Variants in CTNNA3 observed in about 807,000 individuals in gnomAD.
The protein encoded by CTNNA3 is catenin alpha-3.
CTNNA3 carries 76 observed loss-of-function variants against 95.7 expected under a neutral mutation model. That is an observed-to-expected ratio of 0.79 (90% CI 0.66 to 0.96). The LOEUF (loss-of-function observed/expected upper bound fraction) is 0.96. Ranked by LOEUF, CTNNA3 falls within the 40% of genes least tolerant of loss-of-function variation. The pLI, the probability that CTNNA3 is intolerant of heterozygous loss-of-function variation, is 0.00. For missense variants in CTNNA3, 1,191 were observed against 1,089.8 expected (o/e 1.09, Z -1.31); for synonymous variants, 431 against 374.4 (o/e 1.15, Z -1.74).
At chr10:66,901,596 G>A (rs1450879367) in intron 7 of CTNNA3, among the ~76,000 whole-genome samples, 3 of 152,172 alleles carry the variant, frequency 2.0e-5, no homozygotes, top group African/African-American at 4.8e-5. Context: ...TGGATAAAGA[G>A]TCAAGACCCA....
chr10:67,126,552 CTG>C (rs2132007470), intron 7 of CTNNA3, among the ~76,000 whole-genome samples: 1 of 152,300 alleles, frequency 6.6e-6, no homozygotes, highest in Non-Finnish European at 1.5e-5. Context: ...GAGCAAGACT[CTG>C]TCTCAAGAAA....
chr10:67,188,753 C>T (rs1411484124), intron 6 of CTNNA3, among the ~76,000 whole-genome samples: 1 of 152,070 alleles, frequency 6.6e-6, no homozygotes, highest in African/African-American at 2.4e-5. Flanking sequence ...AAATGTCTAC[C>T]AATGGCCAAA....
intron 7 of CTNNA3, among the ~76,000 whole-genome samples, chr10:66,945,252 T>C (rs1435707374): frequency 6.6e-6 from 1 of 152,230 alleles, no homozygotes; most frequent in Non-Finnish European, 1.5e-5. Flanking sequence ...TCAATTATCT[T>C]AGCTAGATCT....
At position 67,398,675 on chromosome 10, in the gene CTNNA3, T is replaced by C. The variant is rs570756218; in HGVS notation, c.579+123167A>G. 1.9e-4 allele frequency among the ~76,000 whole-genome samples: 29 copies of C among 152,208 alleles called. 1 individual carries two copies. In the South Asian group the frequency reaches 5.6e-3, roughly 29 times the overall value. On this transcript the variant is annotated intron_variant, in intron 5 of 17. Coordinates refer to ENST00000433211, the MANE Select transcript of CTNNA3 (RefSeq NM_013266.4). ...TGGCTGTGTCCCTACCCAAATCTTA[T>C]CTTGAATTTAGTTCCCATAATCCCC...
intron 15 of CTNNA3, among the ~76,000 whole-genome samples, chr10:66,068,138 A>G (rs2080352329): frequency 1.3e-5 from 2 of 152,112 alleles, no homozygotes; most frequent in African/African-American, 4.8e-5. Context: ...ATAGATTTAA[A>G]ATACATCTTA....
chr10:66,230,896 T>C (rs191258022), intron 13 of CTNNA3, among the ~76,000 whole-genome samples: 1 of 152,250 alleles, frequency 6.6e-6, no homozygotes, highest in East Asian at 1.9e-4. Context: ...ACTATGTTCA[T>C]CTTTTGTCAT....
chr10:66,939,999 A>C (rs953735675), intron 7 of CTNNA3, among the ~76,000 whole-genome samples: 3 of 150,590 alleles, frequency 2.0e-5, no homozygotes, highest in Admixed American at 2.0e-4. Flanking sequence ...TGGTTACTTA[A>C]TTTTTTTTTT....
At position 67,569,194 on chromosome 10, in the gene CTNNA3, A is replaced by G. The variant is rs569538983; in HGVS notation, c.293-29525T>C. Among the ~76,000 whole-genome samples the G allele has an allele frequency of 2.0e-5, 3 of 152,252 alleles. No individual in the cohort carries two copies. The East Asian group carries it at 5.8e-4, about 29-fold the overall frequency. ...GTATTCCATAATGTTCTCTTGAAAA[A>G]TCTTCAGCAGACTTTTCTTTTAGTG... On this transcript the variant is annotated intron_variant, in intron 3 of 17. Coordinates refer to ENST00000433211, the MANE Select transcript of CTNNA3 (RefSeq NM_013266.4).
chr10:66,201,243 T>TAA (rs1258508767), intron 13 of CTNNA3, among the ~76,000 whole-genome samples: 1 of 152,216 alleles, frequency 6.6e-6, no homozygotes, highest in East Asian at 1.9e-4. Flanking sequence ...TTACCTTCAC[T>TAA]AACTGTCTGC....
intron 11 of CTNNA3, among the ~76,000 whole-genome samples, chr10:66,419,931 A>C (rs140537354): frequency 9.1e-4 from 139 of 152,200 alleles, no homozygotes; most frequent in African/African-American, 3.3e-3. Context: ...AAACTATAAA[A>C]CTCCTAGAAG....
chr10:66,911,573 A>G (rs1214216366), intron 7 of CTNNA3, among the ~76,000 whole-genome samples: 2 of 152,218 alleles, frequency 1.3e-5, no homozygotes, highest in Non-Finnish European at 2.9e-5. Flanking sequence ...CAGAATGATT[A>G]TAAGAAATAG....
chr10:65,929,474 G>A (rs373888813), intron 17 of CTNNA3, among the ~76,000 whole-genome samples: 3 of 152,004 alleles, frequency 2.0e-5, no homozygotes, highest in African/African-American at 7.2e-5. Flanking sequence ...ATACATTTCA[G>A]TATTGTTTAT....
At chr10:66,712,848 T>C (rs1027745596) in intron 9 of CTNNA3, among the ~76,000 whole-genome samples, 3 of 152,184 alleles carry the variant, frequency 2.0e-5, no homozygotes, top group Admixed American at 1.3e-4. Context: ...AATAAGCTCA[T>C]ACCTTTATAA....
intron 2 of CTNNA3, among the ~76,000 whole-genome samples, chr10:67,640,612 A>T (rs1002346544): frequency 6.6e-6 from 1 of 152,196 alleles, no homozygotes; most frequent in Non-Finnish European, 1.5e-5. Flanking sequence ...CTATACTACA[A>T]GACTACAGTA....
chr10:67,636,897 A>T (rs1048979783), intron 2 of CTNNA3, among the ~76,000 whole-genome samples: 1 of 152,178 alleles, frequency 6.6e-6, no homozygotes, highest in East Asian at 1.9e-4. Flanking sequence ...AGGTAGATAA[A>T]ACCACAAAGA....
chr10:67,727,107 A>T (rs1385598579), intron 1 of CTNNA3, among the ~76,000 whole-genome samples: 4 of 121,646 alleles, frequency 3.3e-5, no homozygotes, highest in Admixed American at 2.0e-4. Context: ...ATAATATATG[A>T]TACATATATG....
intron 5 of CTNNA3, among the ~76,000 whole-genome samples, chr10:67,475,282 A>G (rs1201241717): frequency 6.6e-6 from 1 of 152,214 alleles, no homozygotes; most frequent in Non-Finnish European, 1.5e-5. Flanking sequence ...AGTTAACCAC[A>G]AGGGACAGAA....
At chr10:66,180,030 TGTTA>T (rs2085954173) in intron 13 of CTNNA3, among the ~76,000 whole-genome samples, 1 of 152,158 alleles carries the variant, frequency 6.6e-6, no homozygotes, top group African/African-American at 2.4e-5. Flanking sequence ...AACTTAAAAG[TGTTA>T]GTTCTGAACC....
intron 7 of CTNNA3, among the ~76,000 whole-genome samples, chr10:66,913,577 A>G (rs1053327402): frequency 1.3e-5 from 2 of 152,162 alleles, no homozygotes; most frequent in Admixed American, 1.3e-4. Flanking sequence ...GAAAAGAGGA[A>G]TGAATGAACA....
Sources: gnomAD v4.1 joint callset for allele counts (sites outside exome capture counted in the v4.1 genomes callset) on GRCh38, gnomAD v4.1.1 for gene constraint, MANE v1.5 for transcripts, NCBI Gene and HGNC (gene_info 2026-07-23, HGNC 2026-07-21) for gene names.